The following DNAH5 variants were observed in gnomAD, a reference collection of about 807,000 sequenced individuals.
The protein encoded by DNAH5 is dynein axonemal heavy chain 5.
Under a neutral mutation model 518.2 loss-of-function variants are expected in DNAH5, and 372 were observed. The ratio of observed to expected loss-of-function variants is 0.72; its 90% CI spans 0.66 to 0.78. DNAH5 has a LOEUF of 0.78. Among genes scored for constraint, DNAH5 ranks in the 30% least tolerant of loss-of-function variants. The pLI is 0.00. For synonymous variants in DNAH5, 2,039 were observed against 2,025.9 expected, an observed-to-expected ratio of 1.01 and a Z score of -0.17; for missense variants, 5,523 against 5,687.0, an observed-to-expected ratio of 0.97 and a Z score of 0.93.
At chr5:13,942,245 A>G (rs1249182892) in intron 1 of DNAH5, among the ~76,000 whole-genome samples, 2 of 150,480 alleles carry the variant, frequency 1.3e-5, no homozygotes, top group East Asian at 3.9e-4. Context: ...ATATTTATGG[A>G]TAAAGTCAAT....
At chr5:13,765,856 A>G in intron 59 of DNAH5, 120 bp downstream of exon 59, 1 of 1,041,636 alleles carries the variant, frequency 9.6e-7, no homozygotes, top group Non-Finnish European at 1.5e-6. Flanking sequence ...ACAAAGTTTT[A>G]CTCTGAAAAA....
At chr5:13,939,150 C>T (rs367657556) in intron 1 of DNAH5, among the ~76,000 whole-genome samples, 2 of 152,074 alleles carry the variant, frequency 1.3e-5, no homozygotes, top group South Asian at 2.1e-4. Context: ...TTGATTTATT[C>T]GATAGCAGCA....
intron 4 of DNAH5, 37 bp from the exon 5 acceptor site, chr5:13,922,365 C>T: frequency 6.4e-7 from 1 of 1,566,412 alleles, no homozygotes; most frequent in Non-Finnish European, 8.7e-7. Flanking sequence ...TTGTAAAAAT[C>T]ATCCTCAAAT....
intron 24 of DNAH5, among the ~76,000 whole-genome samples, chr5:13,868,801 C>T (rs1486136458): frequency 6.6e-6 from 1 of 152,146 alleles, no homozygotes; most frequent in Non-Finnish European, 1.5e-5. Context: ...TCCAACACTG[C>T]CTCTGATGGA....
Position 13,735,260 on chromosome 5 carries a change from C to T in DNAH5, c.11632G>A (p.Glu3878Lys), listed in dbSNP as rs202140771. 3.2e-5 allele frequency: 52 copies of T among 1,614,094 alleles called. No individual in the cohort carries two copies. The highest frequency in any genetic ancestry group is 4.1e-5 in the Non-Finnish European group (48 of 1,180,002). Residue 3878 changes from glutamate (E) to lysine (K), a missense_variant, in exon 68 of 79, where the codon GAG becomes AAG. Physicochemically the swap from Glu to Lys is moderately conservative, Grantham distance 56. Around this residue, in one of 3 missense-constraint regions of DNAH5, gnomAD observed 5,121 missense variants for 5,223.3 expected, o/e 0.98. Transcript: ENST00000265104. ...IANIIEHMTY[E>K]VYKYAARGLY... Reference sequence around the variant, plus strand: ...CCTCGGGCAGCATACTTATAAACCTCGTAGGTCATGTGCTCGATGATATTA... The same window carrying T: ...CCTCGGGCAGCATACTTATAAACCTTGTAGGTCATGTGCTCGATGATATTA...
chr5:13,708,476 G>GAAA, intron 75 of DNAH5, 141 bp from the exon 76 acceptor site: 39 of 622,378 alleles, frequency 6.3e-5, no homozygotes, highest in East Asian at 9.5e-5. Flanking sequence ...ATGGCAAAAA[G>GAAA]AAAAAAAAAA....
intron 15 of DNAH5, 136 bp downstream of exon 15, chr5:13,900,070 C>A: frequency 1.3e-6 from 1 of 794,476 alleles, no homozygotes. Flanking sequence ...GCAGCTGCAC[C>A]CCATGGCACT....
At chr5:14,000,765 C>T (rs567229718) in intron 1 of DNAH5, among the ~76,000 whole-genome samples, 73 of 152,250 alleles carry the variant, frequency 4.8e-4, no homozygotes, top group African/African-American at 1.7e-3. Context: ...AGTTAACTAT[C>T]GTTCAACCCA....
At chr5:13,786,378 A>C (rs200694019) in intron 51 of DNAH5, 27 bp from the exon 52 acceptor site, 1 of 1,610,204 alleles carries the variant, frequency 6.2e-7, no homozygotes, top group East Asian at 2.2e-5. Flanking sequence ...GAATCAGTTA[A>C]GTTTCTGCAA....
intron 16 of DNAH5, among the ~76,000 whole-genome samples, chr5:13,894,112 A>G (rs1448472390): frequency 6.6e-6 from 1 of 151,906 alleles, no homozygotes; most frequent in Non-Finnish European, 1.5e-5. Flanking sequence ...CAGCAAAGAA[A>G]CCTGTCCAAC....
intron 1 of DNAH5, among the ~76,000 whole-genome samples, chr5:14,006,048 G>T: frequency 1.1e-5 from 1 of 94,680 alleles, no homozygotes. Flanking sequence ...CTTTTGTCTT[G>T]CTTCTTTCTC....
chr5:13,841,271 C>T (rs1272614419), intron 33 of DNAH5, 141 bp from the exon 34 acceptor site: 3 of 703,588 alleles, frequency 4.3e-6, no homozygotes, highest in African/African-American at 3.6e-5. Flanking sequence ...TTTTCATAAC[C>T]TATGGAAATT....
At chr5:13,978,309 T>C (rs1373935459) in intron 1 of DNAH5, among the ~76,000 whole-genome samples, 4 of 152,200 alleles carry the variant, frequency 2.6e-5, no homozygotes, top group Admixed American at 2.6e-4. Context: ...GAGATTAACA[T>C]TTAGATCAGT....
At chr5:13,895,408 A>G (rs1773773505) in intron 15 of DNAH5, among the ~76,000 whole-genome samples, 1 of 152,244 alleles carries the variant, frequency 6.6e-6, no homozygotes, top group Middle Eastern at 3.4e-3. Flanking sequence ...AGGCCAAGTA[A>G]TTTTTCTAAA....
chr5:13,798,740 T>A (rs3058917), intron 47 of DNAH5, among the ~76,000 whole-genome samples: 3,299 of 87,194 alleles, frequency 0.038, 64 homozygotes, highest in East Asian at 0.096. Flanking sequence ...ATTTTATTTA[T>A]TTTATTTATT....
At chr5:13,820,235 C>T in intron 41 of DNAH5, 111 bp downstream of exon 41, 1 of 1,109,304 alleles carries the variant, frequency 9.0e-7, no homozygotes, top group Non-Finnish European at 1.3e-6. Context: ...GCAGTATTTC[C>T]TCCTATAAAA....
chr5:13,780,914 C>G lies in DNAH5; in HGVS notation c.8866G>C (p.Gly2956Arg). 1 of 1,613,596 alleles carries G rather than the reference C, an allele frequency of 6.2e-7. No homozygotes were observed. Among genetic ancestry groups the G allele is most frequent in the Non-Finnish European group, 8.5e-7 (1 of 1,179,678 alleles). Residue 2956 changes from glycine to arginine, a missense_variant, in exon 53 of 79, where the codon GGG becomes CGG. Coordinates refer to ENST00000265104, the MANE Select transcript of DNAH5 (RefSeq NM_001369.3). Reference protein sequence around the residue: ...RTPQGNALLVGVGGSGKQSLT... With the variant: ...RTPQGNALLVRVGGSGKQSLT... Reference sequence around the variant, plus strand: ...CTCTGCTTTCCTGATCCGCCCACCCCGACCAGGAGGGCATTTCCCTGAGGA... The same window carrying G: ...CTCTGCTTTCCTGATCCGCCCACCCGGACCAGGAGGGCATTTCCCTGAGGA...
intron 70 of DNAH5, among the ~76,000 whole-genome samples, chr5:13,722,715 C>T (rs927994750): frequency 7.2e-5 from 11 of 152,352 alleles, no homozygotes; most frequent in African/African-American, 2.6e-4. Flanking sequence ...CATTCCCTAA[C>T]TCATACCAGC....
chr5:13,863,758 C>T lies in DNAH5; in HGVS notation c.4596+639G>A, dbSNP rs533464790. On this transcript the variant is annotated intron_variant, in intron 28 of 78. Coordinates refer to ENST00000265104, the MANE Select transcript of DNAH5 (RefSeq NM_001369.3). ...TCACTACCAGAGTGATCCTTACAAA[C>T]GGTCAACCTAACCATGTCAGCCCCT... Among the ~76,000 whole-genome samples, 9 of 152,292 alleles carry T rather than the reference C, an allele frequency of 5.9e-5. No homozygotes were observed. In the South Asian group the frequency reaches 6.2e-4, roughly 11 times the overall value.
Sources: gnomAD v4.1 joint callset for allele counts (sites outside exome capture counted in the v4.1 genomes callset) on GRCh38, gnomAD v4.1.1 for gene constraint, gnomAD v4.1.1 regional missense constraint, MANE v1.5 for transcripts, NCBI Gene and HGNC (gene_info 2026-07-23, HGNC 2026-07-21) for gene names.